The following MYT1L variants were observed in gnomAD, a reference collection of about 807,000 sequenced individuals.
MYT1L encodes myelin transcription factor 1-like protein.
Under a neutral mutation model 126.7 loss-of-function variants are expected in MYT1L, and 12 were observed. The observed-to-expected ratio is 0.09, with a 90% CI of 0.06 to 0.15. MYT1L has a LOEUF of 0.15. Ranked by LOEUF, MYT1L falls within the 10% of genes least tolerant of loss-of-function variation. The pLI is 1.00. For synonymous variants in MYT1L, 541 were observed against 604.2 expected (o/e 0.90, Z 1.53); for missense variants, 979 against 1,585.2 (o/e 0.62, Z 6.49).
intron 2 of MYT1L, among the ~76,000 whole-genome samples, chr2:2,234,843 T>C (rs2094247113): frequency 6.6e-6 from 1 of 152,192 alleles, no homozygotes; most frequent in Admixed American, 6.5e-5. Flanking sequence ...CTGATTGCAC[T>C]GTGTTCATAT....
At chr2:2,311,949 AAATG>A (rs2095979473) in intron 1 of MYT1L, among the ~76,000 whole-genome samples, 1 of 152,240 alleles carries the variant, frequency 6.6e-6, no homozygotes, top group African/African-American at 2.4e-5. Flanking sequence ...CACAGAGTGC[AAATG>A]AATCATAACA....
chr2:2,237,682 C>T (rs952105155), intron 2 of MYT1L, among the ~76,000 whole-genome samples: 9 of 152,194 alleles, frequency 5.9e-5, no homozygotes, highest in African/African-American at 2.2e-4. Context: ...GGCCCCTTTA[C>T]ATAAACCACT....
intron 3 of MYT1L, among the ~76,000 whole-genome samples, chr2:2,073,494 C>T (rs146495027): frequency 3.8e-3 from 581 of 152,230 alleles, no homozygotes; most frequent in Middle Eastern, 0.014. Flanking sequence ...CTCTCTCCTA[C>T]GGGGAAGAGA....
Position 1,792,366 on chromosome 2 carries a change from G to A in MYT1L, c.3375C>T (p.Ser1125=). The change falls in exon 24 of 25, where the codon AGC becomes AGT. Residue 1125 remains serine (S), a synonymous_variant. Transcript: ENST00000647738. ...TAGCCAGGCTGTGGATCAGAGACTGGCTCAGGTTCGCCAGCTCGTGGAGGA... is the reference window on the plus strand; with the variant it reads ...TAGCCAGGCTGTGGATCAGAGACTGACTCAGGTTCGCCAGCTCGTGGAGGA... ...ESLLHELANL[S]QSLIHSLANI... is the part of the protein sequence containing the mutation. The A allele has an allele frequency of 6.2e-7, 1 of 1,609,508 alleles. No individual in the cohort carries two copies. The highest frequency in any genetic ancestry group is 8.5e-7 in the Non-Finnish European group (1 of 1,178,000).
intron 18 of MYT1L, among the ~76,000 whole-genome samples, chr2:1,868,573 GC>G (rs2045888056): frequency 6.6e-6 from 1 of 152,186 alleles, no homozygotes. Flanking sequence ...CCTCTCCCCG[GC>G]CCCGAAGGCA....
At chr2:2,031,457 C>T (rs565691091) in intron 4 of MYT1L, among the ~76,000 whole-genome samples, 76 of 147,594 alleles carry the variant, frequency 5.1e-4, no homozygotes, top group Middle Eastern at 3.6e-3. Flanking sequence ...ATACACACCC[C>T]TCGCCAGTGC....
chr2:2,082,524 G>A (rs1228346402), intron 3 of MYT1L, among the ~76,000 whole-genome samples: 1 of 152,158 alleles, frequency 6.6e-6, no homozygotes, highest in African/African-American at 2.4e-5. Context: ...GCCATTAGTT[G>A]AGAATGTTTG....
intron 2 of MYT1L, among the ~76,000 whole-genome samples, chr2:2,191,920 C>G (rs1270548825): frequency 1.3e-5 from 2 of 152,184 alleles, no homozygotes; most frequent in Non-Finnish European, 2.9e-5. Context: ...AAATATTTTT[C>G]AAAGTTGTAC....
chr2:1,967,279 T>C (rs1415455153), intron 8 of MYT1L, among the ~76,000 whole-genome samples: 1 of 152,220 alleles, frequency 6.6e-6, no homozygotes, highest in Admixed American at 6.5e-5. Context: ...TTTCAAATAC[T>C]GAAAAGCCCC....
At chr2:2,173,575 A>T (rs1204731104) in intron 2 of MYT1L, among the ~76,000 whole-genome samples, 2 of 152,230 alleles carry the variant, frequency 1.3e-5, no homozygotes, top group Non-Finnish European at 1.5e-5. Flanking sequence ...ATTAGAAACC[A>T]TTGACTGTTT....
chr2:2,229,507 T>G (rs1450394347), intron 2 of MYT1L, among the ~76,000 whole-genome samples: 1 of 152,110 alleles, frequency 6.6e-6, no homozygotes, highest in Non-Finnish European at 1.5e-5. Context: ...AGTGGTGTGA[T>G]CATGGCTCAC....
intron 4 of MYT1L, among the ~76,000 whole-genome samples, chr2:2,031,840 C>A (rs1361050956): frequency 3.2e-3 from 426 of 131,238 alleles, no homozygotes; most frequent in African/African-American, 0.012. Flanking sequence ...TTACACACAC[C>A]CCTCGCCAGT....
chr2:2,001,237 C>CTTTTTTTTTTTTTTTGTTTTTTTTT (rs2062354356), intron 4 of MYT1L, among the ~76,000 whole-genome samples: 1 of 103,908 alleles, frequency 9.6e-6, no homozygotes, highest in Non-Finnish European at 1.9e-5. Context: ...TTGGTTTTAG[C>CTTTTTTTTTTTTTTTGTTTTTTTTT]TTTTTTTTTT....
At chr2:2,301,080 A>T (rs1038021072) in intron 1 of MYT1L, among the ~76,000 whole-genome samples, 3 of 151,958 alleles carry the variant, frequency 2.0e-5, no homozygotes, top group Non-Finnish European at 4.4e-5. Flanking sequence ...CCTTGCACTC[A>T]GCAGACAACA....
At chr2:2,077,687 C>T (rs777039103) in intron 3 of MYT1L, among the ~76,000 whole-genome samples, 12 of 152,142 alleles carry the variant, frequency 7.9e-5, no homozygotes, top group Non-Finnish European at 1.8e-4. Context: ...ATGACATCTT[C>T]AAAGAGTTGA....
intron 3 of MYT1L, among the ~76,000 whole-genome samples, chr2:2,142,598 G>A (rs945707616): frequency 1.3e-5 from 2 of 152,134 alleles, no homozygotes; most frequent in Non-Finnish European, 2.9e-5. Flanking sequence ...GTACATTTGT[G>A]TGCAGTGAAC....
chr2:1,819,716 A>G lies in MYT1L; in HGVS notation c.3081-10549T>C, dbSNP rs910653759. 3.3e-5 allele frequency among the ~76,000 whole-genome samples: 5 copies of G among 152,324 alleles called. No homozygotes were observed. The South Asian group carries it at 1.0e-3, about 32-fold the overall frequency. On this transcript the variant is annotated intron_variant, in intron 21 of 24. Coordinates refer to ENST00000647738, the MANE Select transcript of MYT1L (RefSeq NM_001303052.2). ...CATTACAGAGGGAGGTGGAGTCCGC[A>G]TGGGTATTTAAAGACAGACATTTGT... is the stretch of plus-strand genomic sequence containing the variant.
intron 2 of MYT1L, among the ~76,000 whole-genome samples, chr2:2,239,471 G>A (rs1394106732): frequency 6.6e-6 from 1 of 152,182 alleles, no homozygotes; most frequent in African/African-American, 2.4e-5. Context: ...GAAAGTTAAA[G>A]TATTAGAGAC....
At chr2:1,877,028 C>T (rs1274583294) in intron 18 of MYT1L, among the ~76,000 whole-genome samples, 1 of 152,156 alleles carries the variant, frequency 6.6e-6, no homozygotes, top group Middle Eastern at 3.2e-3. Context: ...ACAGTCAGTC[C>T]GTGGTTCTGT....
Sources: allele counts gnomAD v4.1 joint callset (sites outside exome capture counted in the v4.1 genomes callset), GRCh38; gene constraint gnomAD v4.1.1; transcripts MANE v1.5; gene names NCBI Gene and HGNC (gene_info 2026-07-23, HGNC 2026-07-21).